Variants in ATP10D observed in about 807,000 individuals in gnomAD.
The protein encoded by ATP10D is phospholipid-transporting ATPase VD.
In ATP10D, 89 loss-of-function variants were observed where a neutral mutation model predicts 144.8. That is an observed-to-expected ratio of 0.61 (90% CI 0.52 to 0.73). ATP10D has a LOEUF of 0.73. ATP10D is among the 30% of genes least tolerant of loss of function. The pLI, the probability that ATP10D is intolerant of heterozygous loss-of-function variation, is 0.00. For synonymous variants in ATP10D, 571 were observed against 615.1 expected (o/e 0.93, Z 1.06); for missense variants, 1,603 against 1,714.8 (o/e 0.93, Z 1.15).
At chr4:47,508,074 A>T (rs1369913889) in intron 1 of ATP10D, among the ~76,000 whole-genome samples, 1 of 152,158 alleles carries the variant, frequency 6.6e-6, no homozygotes, top group East Asian at 1.9e-4. Context: ...GAGGCTTTGG[A>T]GACTGTGACT....
Position 47,557,860 on chromosome 4 carries a change from A to C in ATP10D, c.2021A>C (p.Glu674Ala), listed in dbSNP as rs1199731546. 1 of 1,614,098 alleles carries C rather than the reference A, an allele frequency of 6.2e-7. No homozygotes were observed. Among genetic ancestry groups the C allele is most frequent in the Admixed American group, 1.7e-5 (1 of 60,010 alleles). The change falls in exon 12 of 23, where the codon GAA becomes GCA. Residue 674 changes from glutamate to alanine, a missense_variant. Coordinates refer to ENST00000273859, the MANE Select transcript of ATP10D (RefSeq NM_020453.4). Reference sequence around the variant, plus strand: ...ATGAAACCAGCTTCACCTGTGGAGGAAGAGGTCTCCCAGGTGTGTGAGAGC... The same window carrying C: ...ATGAAACCAGCTTCACCTGTGGAGGCAGAGGTCTCCCAGGTGTGTGAGAGC... ...SRMKPASPVE[E>A]EVSQVCESPQ...
chr4:47,566,123 A>C (rs115841439), intron 15 of ATP10D, among the ~76,000 whole-genome samples: 1 of 152,202 alleles, frequency 6.6e-6, no homozygotes, highest in African/African-American at 2.4e-5. Flanking sequence ...AATTGCTCCT[A>C]TAACATTCTA....
intron 5 of ATP10D, among the ~76,000 whole-genome samples, chr4:47,527,849 C>T (rs1393329614): frequency 1.3e-5 from 2 of 152,060 alleles, no homozygotes; most frequent in Non-Finnish European, 2.9e-5. Flanking sequence ...AAAAGCTAAG[C>T]ATATGCCCAT....
chr4:47,537,216 A>G (rs1399545072), intron 9 of ATP10D, among the ~76,000 whole-genome samples: 1 of 152,142 alleles, frequency 6.6e-6, no homozygotes, highest in Non-Finnish European at 1.5e-5. Flanking sequence ...TGTACTATAA[A>G]TACTTTCGAA....
In ATP10D at chr4:47,591,836, AG is replaced by A. The variant is rs1325353399; in HGVS notation, c.*456del. 6.6e-6 allele frequency: 1 copy of A among 152,624 alleles called. No individual in the cohort carries two copies. The highest frequency in any genetic ancestry group is 6.5e-5 in the Admixed American group (1 of 15,278). The allele number at this position is 152,624 out of a possible 1,614,324, so 9.5% of individuals were successfully genotyped here. On this transcript the variant is annotated 3_prime_UTR_variant, in exon 23 of 23. Transcript: ENST00000273859. ...AGAGGAAATACGGAAAAAACATTGT[AG>A]ATGGTTAATTTACAGATAAAATCCC...
In ATP10D at chr4:47,558,816, C is replaced by T. The variant is rs931563804; in HGVS notation, c.2435-107C>T. On this transcript the variant is annotated intron_variant, in intron 12 of 22. Transcript: ENST00000273859. ...CCATTTGGGATTCAAAACCAGAAGG[C>T]TTTTTTATTTGTTTTTTTAGTGTGG... 3 of 893,430 alleles carry T rather than the reference C, an allele frequency of 3.4e-6. No individual in the cohort carries two copies. In the Admixed American group the frequency reaches 7.1e-5, roughly 21 times the overall value. 55.3% of individuals were successfully genotyped at this position (893,430 alleles called of 1,614,324 possible). A position where few individuals can be genotyped will look rare whatever the true frequency, so the allele number is the denominator to read the frequency against.
chr4:47,496,120 C>G (rs1715350745), intron 1 of ATP10D, among the ~76,000 whole-genome samples: 1 of 149,964 alleles, frequency 6.7e-6, no homozygotes, highest in African/African-American at 2.4e-5. Context: ...AACAATTTCT[C>G]TATTTCTCAA....
intron 13 of ATP10D, among the ~76,000 whole-genome samples, chr4:47,560,017 A>T (rs1001097970): frequency 2.0e-5 from 3 of 151,978 alleles, no homozygotes; most frequent in Admixed American, 2.0e-4. Context: ...AAACAAAACC[A>T]AAAACAAAAA....
Position 47,512,810 on chromosome 4 carries a change from T to G in ATP10D, c.270T>G (p.Asn90Lys). The change falls in exon 2 of 23, where the codon AAT (asparagine) becomes AAG (lysine). Residue 90 changes from asparagine (N) to lysine (K), a missense_variant. Transcript: ENST00000273859. Reference protein sequence around the residue: ...KYTLLNFVPRNLFEQFHRAAN... With the variant: ...KYTLLNFVPRKLFEQFHRAAN... ...CACTTCTGAATTTTGTGCCAAGAAA[T>G]TTATTTGAACAATTTCACAGGTACT... 1 of 1,601,024 alleles carries G rather than the reference T, an allele frequency of 6.2e-7. No individual in the cohort carries two copies. Among genetic ancestry groups the G allele is most frequent in the Non-Finnish European group, 8.6e-7 (1 of 1,169,308 alleles).
Position 47,560,945 on chromosome 4 carries a change from G to A in ATP10D, c.2542-4G>A, listed in dbSNP as rs760011857. 44 of 1,614,024 alleles carry A rather than the reference G, an allele frequency of 2.7e-5. No individual in the cohort carries two copies. The highest frequency in any genetic ancestry group is 3.3e-4 in the Middle Eastern group (2 of 6,060). On this transcript the variant is annotated splice_region_variant and splice_polypyrimidine_tract_variant and intron_variant, in intron 13 of 22. Transcript: ENST00000273859. Reference sequence around the variant, plus strand: ...TCATACCTCTCTTTTAATTCTTCCCGTAGGTCATGAGTGACACTGAATATG... The same window carrying A: ...TCATACCTCTCTTTTAATTCTTCCCATAGGTCATGAGTGACACTGAATATG...
chr4:47,536,321 AAC>A, intron 7 of ATP10D, 114 bp from the exon 8 acceptor site: 12 of 1,342,632 alleles, frequency 8.9e-6, no homozygotes, highest in Non-Finnish European at 1.2e-5. Flanking sequence ...TCCAAAAACA[AAC>A]AGTTGATGTC....
intron 1 of ATP10D, among the ~76,000 whole-genome samples, chr4:47,501,106 C>T (rs1715659962): frequency 6.6e-6 from 1 of 151,848 alleles, no homozygotes; most frequent in Non-Finnish European, 1.5e-5. Context: ...GAGAGGAGTT[C>T]ACTGGTTGAG....
chr4:47,562,247 A>C (rs747535425), intron 14 of ATP10D, among the ~76,000 whole-genome samples: 1 of 152,214 alleles, frequency 6.6e-6, no homozygotes, highest in African/African-American at 2.4e-5. Flanking sequence ...TATCTGAAAA[A>C]TGTTTGAATT....
chr4:47,511,524 A>G (rs1401388021), intron 1 of ATP10D, among the ~76,000 whole-genome samples: 1 of 152,192 alleles, frequency 6.6e-6, no homozygotes, highest in Non-Finnish European at 1.5e-5. Context: ...TTGATTAACA[A>G]ACTCACATTT....
At position 47,547,031 on chromosome 4, in the gene ATP10D, T is replaced by A. The variant is rs1298216182; in HGVS notation, c.1635+169T>A. The A allele has an allele frequency of 9.3e-5, 58 of 626,972 alleles. 1 individual carries two copies. The allele number at this position is 626,972 out of a possible 1,614,324, so 38.8% of individuals were successfully genotyped here. A position where few individuals can be genotyped will look rare whatever the true frequency, so the allele number is the denominator to read the frequency against. On this transcript the variant is annotated intron_variant, in intron 10 of 22. Coordinates refer to ENST00000273859, the MANE Select transcript of ATP10D (RefSeq NM_020453.4). ...CATAATTAGAAGTATAAACAAACAA[T>A]ATCACACTAGTCTACTTTTAAAAAA... is the stretch of plus-strand genomic sequence containing the variant.
intron 15 of ATP10D, among the ~76,000 whole-genome samples, chr4:47,564,886 G>A (rs983988066): frequency 6.6e-6 from 1 of 152,172 alleles, no homozygotes; most frequent in Non-Finnish European, 1.5e-5. Context: ...TTGAAATCTT[G>A]TGGAGCTTTT....
chr4:47,508,749 T>A (rs150322808), intron 1 of ATP10D, among the ~76,000 whole-genome samples: 91 of 152,352 alleles, frequency 6.0e-4, no homozygotes, highest in African/African-American at 2.0e-3. Context: ...TATCTCTATT[T>A]TAAAATCTTG....
chr4:47,525,619 C>T lies in ATP10D; in HGVS notation c.753C>T (p.Asp251=), dbSNP rs1253978820. The change falls in exon 5 of 23, where the codon GAC becomes GAT. Residue 251 remains aspartate, a synonymous_variant. Coordinates refer to ENST00000273859, the MANE Select transcript of ATP10D (RefSeq NM_020453.4). ...SRIECESPNN[D]LSRFRGFLEH... ...TAGAATGTGAAAGCCCAAACAATGA[C>T]CTCAGCAGATTCCGAGGCTTCCTGT... The T allele has an allele frequency of 4.3e-6, 7 of 1,613,196 alleles. No individual in the cohort carries two copies. Among genetic ancestry groups the T allele is most frequent in the Admixed American group, 3.3e-5 (2 of 59,988 alleles).
intron 2 of ATP10D, 36 bp from the exon 3 acceptor site, chr4:47,515,440 C>A (rs780288846): frequency 2.7e-5 from 42 of 1,560,028 alleles, no homozygotes; most frequent in Non-Finnish European, 3.4e-5. Context: ...CTTGAAGTAA[C>A]TTCTTAACAC....
Sources: allele counts gnomAD v4.1 joint callset (sites outside exome capture counted in the v4.1 genomes callset), GRCh38; gene constraint gnomAD v4.1.1; transcripts MANE v1.5; gene names NCBI Gene and HGNC (gene_info 2026-07-23, HGNC 2026-07-21).